Variants in IQSEC2 observed in about 807,000 individuals in gnomAD.
IQSEC2 encodes the protein IQ motif and Sec7 domain ArfGEF 2.
In IQSEC2, 6 loss-of-function variants were observed where a neutral mutation model predicts 74.6. The ratio of observed to expected loss-of-function variants is 0.08; its 90% CI spans 0.04 to 0.16. IQSEC2 has a LOEUF of 0.16. Among genes scored for constraint, IQSEC2 ranks in the 10% least tolerant of loss-of-function variants. The pLI is 1.00. For synonymous variants in IQSEC2, 494 were observed against 544.5 expected (o/e 0.91, Z 1.29); for missense variants, 734 against 1,306.2 (o/e 0.56, Z 6.75).
chrX:53,233,027 C>G lies in IQSEC2; in HGVS notation c.*1192G>C, dbSNP rs1320396287. 7 of 111,622 alleles carry G rather than the reference C, an allele frequency of 6.3e-5. No homozygotes were observed. Among genetic ancestry groups the G allele is most frequent in the Non-Finnish European group, 1.3e-4 (7 of 52,896 alleles). 9.2% of individuals were successfully genotyped at this position (111,622 alleles called of 1,213,427 possible). On this transcript the variant is annotated 3_prime_UTR_variant, in exon 15 of 15. Coordinates refer to ENST00000642864, the MANE Select transcript of IQSEC2 (RefSeq NM_001111125.3). Reference sequence around the variant, plus strand: ...GCCCCAGTGGCCCTGGCCCTTCGTACAGCCAGGGTCCATCTGTCTGTCTAT... The same window carrying G: ...GCCCCAGTGGCCCTGGCCCTTCGTAGAGCCAGGGTCCATCTGTCTGTCTAT...
chrX:53,290,566 G>A (rs912997429), intron 2 of IQSEC2, among the ~76,000 whole-genome samples: 1 of 111,830 alleles, frequency 8.9e-6, no homozygotes, highest in African/African-American at 3.2e-5. Flanking sequence ...AGGACAAGCT[G>A]TGCCCATGAC....
chrX:53,292,210 CAT>C (rs1404860259), intron 1 of IQSEC2, among the ~76,000 whole-genome samples: 5 of 112,004 alleles, frequency 4.5e-5, no homozygotes, highest in African/African-American at 1.3e-4. Context: ...AGGAACCAAA[CAT>C]GTGGGGCCTA....
chrX:53,261,834 G>C (rs921683783), intron 2 of IQSEC2, among the ~76,000 whole-genome samples: 2 of 112,090 alleles, frequency 1.8e-5, no homozygotes, highest in Non-Finnish European at 3.8e-5. Context: ...TGCTGGGGGA[G>C]TGCAGGAGAG....
intron 1 of IQSEC2, among the ~76,000 whole-genome samples, chrX:53,305,996 G>A (rs1455875651): frequency 8.9e-6 from 1 of 112,773 alleles, no homozygotes; most frequent in Non-Finnish European, 1.9e-5. Flanking sequence ...TACAATGACA[G>A]AGAGAGAGAA....
At chrX:53,269,956 G>A (rs1556868348) in intron 2 of IQSEC2, among the ~76,000 whole-genome samples, 1 of 109,901 alleles carries the variant, frequency 9.1e-6, no homozygotes, top group Non-Finnish European at 1.9e-5. Flanking sequence ...CTACGCGTTG[G>A]TTTCCCCTTC....
intron 4 of IQSEC2, 100 bp from the exon 5 acceptor site, chrX:53,251,274 A>C: frequency 1.1e-6 from 1 of 876,873 alleles, no homozygotes; most frequent in Non-Finnish European, 1.6e-6. Context: ...AGGTAAGGAA[A>C]AAGGGGGAGT....
chrX:53,248,258 G>A, intron 6 of IQSEC2, 22 bp from the exon 7 acceptor site: 1 of 1,206,020 alleles, frequency 8.3e-7, no homozygotes, highest in Non-Finnish European at 1.1e-6. Flanking sequence ...AGAAGGAGGT[G>A]TGGCGCTTTC....
intron 1 of IQSEC2, among the ~76,000 whole-genome samples, chrX:53,318,162 T>A (rs1248140374): frequency 5.4e-5 from 6 of 111,942 alleles, no homozygotes; most frequent in African/African-American, 2.0e-4. Flanking sequence ...TGAGGTCCCT[T>A]CATCTTGGAG....
chrX:53,303,857 G>A (rs1305327379), intron 1 of IQSEC2, among the ~76,000 whole-genome samples: 2 of 109,833 alleles, frequency 1.8e-5, no homozygotes, highest in Non-Finnish European at 3.8e-5. Flanking sequence ...GTAGCCAGGC[G>A]CAGTGGCTCA....
intron 2 of IQSEC2, among the ~76,000 whole-genome samples, chrX:53,277,232 G>A (rs1314909703): frequency 9.2e-6 from 1 of 108,182 alleles, no homozygotes; most frequent in Non-Finnish European, 1.9e-5. Flanking sequence ...TTTTTTTTGA[G>A]ATGGAGTCTC....
chrX:53,268,341 C>T (rs1038233548), intron 2 of IQSEC2, among the ~76,000 whole-genome samples: 10 of 111,311 alleles, frequency 9.0e-5, no homozygotes, highest in East Asian at 5.7e-4. Context: ...CACACACGCA[C>T]GCACACGCCT....
At chrX:53,260,688 G>T (rs1203292066) in intron 2 of IQSEC2, among the ~76,000 whole-genome samples, 1 of 111,005 alleles carries the variant, frequency 9.0e-6, no homozygotes, top group Non-Finnish European at 1.9e-5. Flanking sequence ...TCTTACACCC[G>T]CTCCTCTCGG....
rs186350339 is a variant in IQSEC2 at position 53,309,792 on chromosome X, G to A, written c.707+10625C>T. On this transcript the variant is annotated intron_variant, in intron 1 of 14. Coordinates refer to ENST00000642864, the MANE Select transcript of IQSEC2 (RefSeq NM_001111125.3). The stretch of plus-strand genomic sequence containing the variant: ...AGAACACAGAATAGAAATTGAACTC[G>A]AAAATAAGTCCAAAAAAGAAATCAA... 2.0e-3 allele frequency among the ~76,000 whole-genome samples: 222 copies of A among 112,096 alleles called. 3 individuals are homozygous for A. Among genetic ancestry groups the A allele is most frequent in the African/African-American group, 7.1e-3 (218 of 30,851 alleles).
intron 2 of IQSEC2, among the ~76,000 whole-genome samples, chrX:53,291,300 C>A (rs2075097398): frequency 9.0e-6 from 1 of 111,306 alleles, no homozygotes; most frequent in African/African-American, 3.3e-5. Flanking sequence ...CTTACTATGT[C>A]TACCAATGGG....
At chrX:53,299,717 A>G (rs2146459180) in intron 1 of IQSEC2, among the ~76,000 whole-genome samples, 1 of 111,163 alleles carries the variant, frequency 9.0e-6, no homozygotes, top group Non-Finnish European at 1.9e-5. Flanking sequence ...TGGGGGACTC[A>G]CTGTCTGGAT....
At chrX:53,308,615 T>C (rs2075290355) in intron 1 of IQSEC2, among the ~76,000 whole-genome samples, 1 of 111,116 alleles carries the variant, frequency 9.0e-6, no homozygotes, top group Non-Finnish European at 1.9e-5. Context: ...GTACAGAACA[T>C]AGAGACTGGG....
intron 2 of IQSEC2, among the ~76,000 whole-genome samples, chrX:53,265,276 G>A (rs1556867423): frequency 9.1e-6 from 1 of 110,281 alleles, no homozygotes; most frequent in Non-Finnish European, 1.9e-5. Context: ...TGAGGTTCTA[G>A]GAAACCTAGA....
intron 2 of IQSEC2, among the ~76,000 whole-genome samples, chrX:53,281,994 T>C (rs1293082354): frequency 8.9e-6 from 1 of 112,365 alleles, no homozygotes. Flanking sequence ...AACCTTTCCA[T>C]AGAAGCTTTT....
At chrX:53,282,892 G>A (rs1246403042) in intron 2 of IQSEC2, among the ~76,000 whole-genome samples, 5 of 110,954 alleles carry the variant, frequency 4.5e-5, no homozygotes, top group African/African-American at 6.6e-5. Flanking sequence ...GGCAGGAGCC[G>A]AGAGACATTA....
Sources: gnomAD v4.1 joint callset for allele counts (sites outside exome capture counted in the v4.1 genomes callset) on GRCh38, gnomAD v4.1.1 for gene constraint, MANE v1.5 for transcripts, NCBI Gene and HGNC (gene_info 2026-07-23, HGNC 2026-07-21) for gene names.